ZFP82: variants seen among roughly 807,000 people sequenced by gnomAD.
The protein encoded by ZFP82 is ZFP82 zinc finger protein.
Under a neutral mutation model 54.0 loss-of-function variants are expected in ZFP82, and 30 were observed. The ratio of observed to expected loss-of-function variants is 0.56; its 90% CI spans 0.42 to 0.75. ZFP82 has a LOEUF of 0.75. Ranked by LOEUF, ZFP82 falls within the 30% of genes least tolerant of loss-of-function variation. ZFP82 has a pLI of 0.00. For synonymous variants in ZFP82, 194 were observed against 209.5 expected (o/e 0.93, Z 0.64); for missense variants, 500 against 636.8 (o/e 0.79, Z 2.31).
chr19:36,408,240 AAATCTTAAT>A (rs1230830685), intron 2 of ZFP82, among the ~76,000 whole-genome samples: 1 of 152,168 alleles, frequency 6.6e-6, no homozygotes, highest in African/African-American at 2.4e-5. Context: ...ATACTCTGGC[AAATCTTAAT>A]AATCTAGATA....
At chr19:36,416,859 G>A (rs2032679964) in intron 1 of ZFP82, among the ~76,000 whole-genome samples, 1 of 150,164 alleles carries the variant, frequency 6.7e-6, no homozygotes, top group Admixed American at 6.7e-5. Context: ...GATCACTTGA[G>A]GCCAGGAGTT....
intron 1 of ZFP82, among the ~76,000 whole-genome samples, chr19:36,413,816 TTA>T (rs1486234231): frequency 6.6e-6 from 1 of 152,136 alleles, no homozygotes; most frequent in African/African-American, 2.4e-5. Context: ...CATAAAGCAC[TTA>T]AAATGGCTTA....
intron 4 of ZFP82, among the ~76,000 whole-genome samples, chr19:36,397,668 GC>G (rs1482242767): frequency 6.6e-6 from 1 of 151,216 alleles, no homozygotes; most frequent in East Asian, 2.0e-4. Context: ...CTGGCCCCCC[GC>G]CACGCCCCAC....
downstream of ZFP82, among the ~76,000 whole-genome samples, chr19:36,387,294 C>T (rs2032126385): frequency 6.6e-6 from 1 of 152,064 alleles, no homozygotes; most frequent in Admixed American, 6.6e-5. Flanking sequence ...TGAATGTGTC[C>T]CCCAATGCTC....
intron 1 of ZFP82, among the ~76,000 whole-genome samples, chr19:36,410,872 T>C (rs901158995): frequency 3.9e-5 from 6 of 152,078 alleles, no homozygotes; most frequent in African/African-American, 7.2e-5. Flanking sequence ...ATCCATGCAA[T>C]GGATCAGAAA....
Position 36,389,819 on chromosome 19 carries a change from C to G in ZFP82, c.*2922G>C, listed in dbSNP as rs2032164597. On this transcript the variant is annotated 3_prime_UTR_variant, in exon 5 of 5. Coordinates refer to ENST00000392161, the MANE Select transcript of ZFP82 (RefSeq NM_133466.4). The stretch of plus-strand genomic sequence containing the variant: ...GGCAAGCTAATGCATAGATGATAAA[C>G]TCCACTGCAAGCATGCCTTTCATAT... Among the ~76,000 whole-genome samples the G allele has an allele frequency of 6.6e-6, 1 of 152,158 alleles. No individual in the cohort carries two copies. The highest frequency in any genetic ancestry group is 1.5e-5 in the Non-Finnish European group (1 of 68,036).
chr19:36,396,865 C>T lies in ZFP82; in HGVS notation c.230-2755G>A, dbSNP rs942387609. On this transcript the variant is annotated intron_variant, in intron 4 of 4. Coordinates refer to ENST00000392161, the MANE Select transcript of ZFP82 (RefSeq NM_133466.4). ...CTTTAAAAAAAAAAAAAAAATTAAG[C>T]CTACATTTTGAAAACCTGCATATAA... Among the ~76,000 whole-genome samples the T allele has an allele frequency of 7.4e-5, 11 of 149,650 alleles. No homozygotes were observed. In the East Asian group the frequency reaches 2.1e-3, roughly 29 times the overall value.
At chr19:36,397,081 G>A (rs1463119066) in intron 4 of ZFP82, among the ~76,000 whole-genome samples, 2 of 135,152 alleles carry the variant, frequency 1.5e-5, no homozygotes, top group Non-Finnish European at 3.1e-5. Flanking sequence ...AAGTAATAAA[G>A]CATAAACCAA....
Position 36,405,647 on chromosome 19 carries a change from C to T in ZFP82, c.162G>A (p.Val54=). ...CTTTTCCTTGCTCCAATGAGGAAAT[C>T]ACATCTGGTTTAGAAATGAAGCATC... is the stretch of plus-strand genomic sequence containing the variant. ...SLGCFISKPD[V]ISSLEQGKEP... is the part of the protein sequence containing the mutation. Residue 54 remains valine, a synonymous_variant, in exon 4 of 5, where the codon GTG becomes GTA. Transcript: ENST00000392161. The T allele has an allele frequency of 1.2e-6, 2 of 1,607,848 alleles. No homozygotes were observed. The highest frequency in any genetic ancestry group is 2.7e-5 in the African/African-American group (2 of 74,936).
At chr19:36,386,067 A>T (rs1290482086), downstream of ZFP82, among the ~76,000 whole-genome samples, 12 of 152,312 alleles carry the variant, frequency 7.9e-5, no homozygotes, top group East Asian at 2.3e-3. Flanking sequence ...GAATAGAAGG[A>T]AGACAGGAGC....
At chr19:36,384,096 T>C (rs775624003), downstream of ZFP82, 5 of 152,158 alleles carry the variant, frequency 3.3e-5, no homozygotes, top group Non-Finnish European at 7.4e-5. Context: ...TGAAAGTAAA[T>C]ATTAACTATG....
At chr19:36,416,582 C>G (rs1043058751) in intron 1 of ZFP82, among the ~76,000 whole-genome samples, 4 of 151,248 alleles carry the variant, frequency 2.6e-5, no homozygotes, top group Admixed American at 6.6e-5. Context: ...CATGGAGAAA[C>G]CCCGTCTCTA....
rs1385059304 is a variant in ZFP82 at position 36,390,989 on chromosome 19, T to C, written c.*1752A>G. The C allele has an allele frequency of 1.3e-5, 2 of 152,218 alleles. No homozygotes were observed. Among genetic ancestry groups the C allele is most frequent in the South Asian group, 2.1e-4 (1 of 4,832 alleles). 9.4% of individuals were successfully genotyped at this position (152,218 alleles called of 1,614,324 possible). A position where few individuals can be genotyped will look rare whatever the true frequency, so the allele number is the denominator to read the frequency against. On this transcript the variant is annotated 3_prime_UTR_variant, in exon 5 of 5. Transcript: ENST00000392161. ...TTCACCGTGTTAGCCAGGATGGTCTTGATCTCCTGACCTCACGATCCACCT... is the reference window on the plus strand; with the variant it reads ...TTCACCGTGTTAGCCAGGATGGTCTCGATCTCCTGACCTCACGATCCACCT...
rs770609665 is a variant in ZFP82 at position 36,413,119 on chromosome 19, G to T, written c.-78-3252C>A. ...ATGTATTGCAAGAGAGTTCATCAAAGAATAATTTATTGGCCAGGCATAGTG... is the reference window on the plus strand; with the variant it reads ...ATGTATTGCAAGAGAGTTCATCAAATAATAATTTATTGGCCAGGCATAGTG... On this transcript the variant is annotated intron_variant, in intron 1 of 4. Transcript: ENST00000392161. 5.8e-4 allele frequency among the ~76,000 whole-genome samples: 89 copies of T among 152,158 alleles called. 1 individual carries two copies. Among genetic ancestry groups the T allele is most frequent in the Non-Finnish European group, 1.9e-4 (13 of 68,032 alleles).
At chr19:36,384,111 A>G (rs2032090211), downstream of ZFP82, 3 of 152,188 alleles carry the variant, frequency 2.0e-5, no homozygotes, top group Non-Finnish European at 4.4e-5. Flanking sequence ...ACTATGACTG[A>G]GCAATCCTAC....
At chr19:36,407,323 G>A (rs917305988) in intron 3 of ZFP82, among the ~76,000 whole-genome samples, 7 of 151,870 alleles carry the variant, frequency 4.6e-5, no homozygotes, top group African/African-American at 7.3e-5. Context: ...TGATCCGCCC[G>A]CCTCGGCCTC....
At chr19:36,398,522 A>C (rs1296265112) in intron 4 of ZFP82, among the ~76,000 whole-genome samples, 1 of 143,822 alleles carries the variant, frequency 7.0e-6, no homozygotes, top group African/African-American at 2.6e-5. Flanking sequence ...GGGCAACAAG[A>C]GCAAAACTCC....
In ZFP82 at chr19:36,392,411, T is replaced by C. The variant is rs115070659; in HGVS notation, c.*330A>G. On this transcript the variant is annotated 3_prime_UTR_variant, in exon 5 of 5. Transcript: ENST00000392161. ...GAGGGATGTAGATTCCACCTCTTGA[T>C]TGAAAGTGTGTCAAACTGCTGCACT... 6.8e-5 allele frequency: 14 copies of C among 204,922 alleles called. No individual in the cohort carries two copies. Among genetic ancestry groups the C allele is most frequent in the Non-Finnish European group, 1.2e-4 (12 of 101,764 alleles). The allele number at this position is 204,922 out of a possible 1,614,324, so 12.7% of individuals were successfully genotyped here. A position where few individuals can be genotyped will look rare whatever the true frequency, so the allele number is the denominator to read the frequency against.
At chr19:36,406,313 T>C (rs1173813739) in intron 3 of ZFP82, among the ~76,000 whole-genome samples, 1 of 152,222 alleles carries the variant, frequency 6.6e-6, no homozygotes, top group Non-Finnish European at 1.5e-5. Context: ...TTAGTAAATT[T>C]ACAGAGTTGT....
Sources: gnomAD v4.1 joint callset for allele counts (sites outside exome capture counted in the v4.1 genomes callset) on GRCh38, gnomAD v4.1.1 for gene constraint, MANE v1.5 for transcripts, NCBI Gene and HGNC (gene_info 2026-07-23, HGNC 2026-07-21) for gene names.